Variants in BAZ2B observed in about 807,000 individuals in gnomAD.
The protein encoded by BAZ2B is bromodomain adjacent to zinc finger domain 2B.
In BAZ2B, 91 loss-of-function variants were observed where a neutral mutation model predicts 246.0. The observed-to-expected ratio is 0.37, with a 90% CI of 0.31 to 0.44. The LOEUF is 0.44. BAZ2B is among the 20% of genes least tolerant of loss of function. The pLI, the probability that BAZ2B is intolerant of heterozygous loss-of-function variation, is 1.00. For missense variants in BAZ2B, 2,332 were observed against 2,533.7 expected, an observed-to-expected ratio of 0.92 and a Z score of 1.71; for synonymous variants, 855 against 860.0, an observed-to-expected ratio of 0.99 and a Z score of 0.10.
chr2:159,687,153 C>CA, the BAZ2B span, among the ~76,000 whole-genome samples: 1 of 150,366 alleles, frequency 6.7e-6, no homozygotes, highest in Non-Finnish European at 1.5e-5. Flanking sequence ...TTTTCTTTTT[C>CA]AACTGTGAAA....
chr2:159,525,797 G>A (rs2084669842), intron 2 of BAZ2B, among the ~76,000 whole-genome samples: 1 of 152,200 alleles, frequency 6.6e-6, no homozygotes, highest in South Asian at 2.1e-4. Context: ...AAAAAAAATA[G>A]TGGGAGAGAT....
intron 27 of BAZ2B, among the ~76,000 whole-genome samples, chr2:159,368,564 T>C (rs1001687412): frequency 1.3e-5 from 2 of 152,180 alleles, no homozygotes; most frequent in African/African-American, 4.8e-5. Context: ...ATATGTCTAT[T>C]AATGAAATAA....
intron 27 of BAZ2B, among the ~76,000 whole-genome samples, chr2:159,360,874 G>T (rs905425492): frequency 2.6e-5 from 4 of 152,224 alleles, no homozygotes; most frequent in Non-Finnish European, 4.4e-5. Flanking sequence ...TTAATAAATG[G>T]TGTTGGGAAA....
intron 30 of BAZ2B, 96 bp from the exon 31 acceptor site, chr2:159,347,742 T>C (rs1163164053): frequency 1.9e-6 from 2 of 1,038,096 alleles, no homozygotes; most frequent in Admixed American, 5.3e-5. Context: ...AGGAGACCCA[T>C]GTACATCTAA....
intron 27 of BAZ2B, among the ~76,000 whole-genome samples, chr2:159,367,002 A>G (rs538409004): frequency 1.3e-5 from 2 of 152,258 alleles, no homozygotes; most frequent in East Asian, 3.9e-4. Context: ...AAGACCCATC[A>G]GCAAACCTGC....
chr2:159,392,289 T>A (rs1338483545), intron 20 of BAZ2B: 1 of 152,180 alleles, frequency 6.6e-6, no homozygotes, highest in Non-Finnish European at 1.5e-5. Context: ...CCTTTGTATA[T>A]GCCATACCTA....
At chr2:159,357,402 C>T (rs1295382592) in intron 27 of BAZ2B, among the ~76,000 whole-genome samples, 8 of 151,446 alleles carry the variant, frequency 5.3e-5, no homozygotes, top group East Asian at 1.9e-4. Context: ...TGAAATAAAG[C>T]GTGAAGACAA....
chr2:159,327,987 C>T (rs1425411723), intron 34 of BAZ2B, among the ~76,000 whole-genome samples: 1 of 146,898 alleles, frequency 6.8e-6, no homozygotes, highest in African/African-American at 2.5e-5. Flanking sequence ...ATCACTTGAA[C>T]CTAGGAGGTG....
chr2:159,483,442 T>C (rs1181956499), intron 2 of BAZ2B, among the ~76,000 whole-genome samples: 5 of 152,154 alleles, frequency 3.3e-5, no homozygotes, highest in Non-Finnish European at 5.9e-5. Context: ...TCAAACTATC[T>C]GCCTGTCTTC....
chr2:159,438,980 T>C (rs2072910232), intron 7 of BAZ2B, 29 bp downstream of exon 7: 4 of 1,598,072 alleles, frequency 2.5e-6, no homozygotes, highest in Non-Finnish European at 3.4e-6. Context: ...TGAATAATGT[T>C]TGGATACTGT....
chr2:159,413,904 C>T (rs2067222729), intron 13 of BAZ2B, among the ~76,000 whole-genome samples: 1 of 152,086 alleles, frequency 6.6e-6, no homozygotes, highest in African/African-American at 2.4e-5. Flanking sequence ...TCAGCAATTC[C>T]ACTGCTCTGT....
chr2:159,695,957 C>A, the BAZ2B span, among the ~76,000 whole-genome samples: 56 of 152,082 alleles, frequency 3.7e-4, no homozygotes, highest in African/African-American at 1.3e-3. Flanking sequence ...GACAGGGTTT[C>A]ATCATGCTGG....
intron 6 of BAZ2B, among the ~76,000 whole-genome samples, chr2:159,443,806 A>C (rs1197496782): frequency 6.6e-6 from 1 of 152,174 alleles, no homozygotes; most frequent in Non-Finnish European, 1.5e-5. Flanking sequence ...TCCTAGTAAC[A>C]GTTTTTAGTA....
chr2:159,348,319 CAAAAAAAAAA>C (rs541304274), intron 30 of BAZ2B, among the ~76,000 whole-genome samples: 2 of 27,152 alleles, frequency 7.4e-5, no homozygotes, highest in Non-Finnish European at 2.1e-4. Flanking sequence ...GACTCTCTCA[CAAAAAAAAAA>C]AAAAAAAAAA....
intron 1 of BAZ2B, among the ~76,000 whole-genome samples, chr2:159,587,270 T>C (rs1201456384): frequency 2.0e-5 from 3 of 151,994 alleles, no homozygotes; most frequent in Non-Finnish European, 2.9e-5. Flanking sequence ...TTAGTAGAGA[T>C]GGGGTTTCAC....
the BAZ2B span, among the ~76,000 whole-genome samples, chr2:159,626,011 A>AG: frequency 1.3e-5 from 2 of 151,934 alleles, no homozygotes; most frequent in Non-Finnish European, 2.9e-5. Context: ...CAAAAAAAAA[A>AG]AAGCAGAGGT....
chr2:159,576,828 G>C (rs202015256), intron 1 of BAZ2B, among the ~76,000 whole-genome samples: 1 of 139,898 alleles, frequency 7.1e-6, no homozygotes, highest in East Asian at 2.2e-4. Context: ...CAGGAGAATC[G>C]CTTGAACCCA....
At chr2:159,560,073 C>A (rs1279234283) in intron 1 of BAZ2B, among the ~76,000 whole-genome samples, 1 of 152,142 alleles carries the variant, frequency 6.6e-6, no homozygotes, top group Admixed American at 6.6e-5. Flanking sequence ...TTTCCTCATG[C>A]TCTGCCCCAA....
chr2:159,549,205 T>C (rs1177640264), intron 2 of BAZ2B, among the ~76,000 whole-genome samples: 1 of 152,088 alleles, frequency 6.6e-6, no homozygotes, highest in African/African-American at 2.4e-5. Flanking sequence ...TGCTTGAACC[T>C]GGGAGGCGGA....
Sources: allele counts gnomAD v4.1 joint callset (sites outside exome capture counted in the v4.1 genomes callset), GRCh38; gene constraint gnomAD v4.1.1; transcripts MANE v1.5; gene names NCBI Gene and HGNC (gene_info 2026-07-23, HGNC 2026-07-21).